Variants in CDK5RAP2 observed in about 807,000 individuals in gnomAD.
CDK5RAP2 encodes the protein CDK5 regulatory subunit-associated protein 2.
Under a neutral mutation model 232.9 loss-of-function variants are expected in CDK5RAP2, and 147 were observed. That is an observed-to-expected ratio of 0.63 (90% CI 0.55 to 0.72). The LOEUF (loss-of-function observed/expected upper bound fraction) is 0.72. CDK5RAP2 is among the 30% of genes least tolerant of loss of function. CDK5RAP2 has a pLI of 0.00. For synonymous variants in CDK5RAP2, 833 were observed against 833.7 expected, an observed-to-expected ratio of 1.00 and a Z score of 0.01; for missense variants, 2,195 against 2,231.5, an observed-to-expected ratio of 0.98 and a Z score of 0.33.
intron 13 of CDK5RAP2, among the ~76,000 whole-genome samples, chr9:120,489,772 G>T (rs2038798934): frequency 6.8e-6 from 1 of 147,908 alleles, no homozygotes; most frequent in African/African-American, 2.5e-5. Flanking sequence ...TTTCCTCTAT[G>T]TACCTCTGTT....
chr9:120,561,256 A>AACTGTT (rs1227127180), intron 3 of CDK5RAP2, among the ~76,000 whole-genome samples: 1 of 152,164 alleles, frequency 6.6e-6, no homozygotes, highest in Non-Finnish European at 1.5e-5. Flanking sequence ...TCATCAAGAA[A>AACTGTT]ACTGTTACTA....
At chr9:120,579,822 G>T in intron 1 of CDK5RAP2, 98 bp downstream of exon 1, 1 of 978,834 alleles carries the variant, frequency 1.0e-6, no homozygotes. Context: ...CCCCTGGCCA[G>T]ACACCCTCAA....
intron 28 of CDK5RAP2, among the ~76,000 whole-genome samples, chr9:120,413,143 C>G (rs1379599086): frequency 2.6e-5 from 4 of 152,206 alleles, no homozygotes; most frequent in African/African-American, 9.7e-5. Context: ...CAGAAGTCTA[C>G]CACAACCAAA....
intron 11 of CDK5RAP2, among the ~76,000 whole-genome samples, chr9:120,521,324 C>T (rs1275857869): frequency 6.6e-6 from 1 of 152,152 alleles, no homozygotes; most frequent in Non-Finnish European, 1.5e-5. Context: ...AAATATCTTG[C>T]CCAAGGTTAC....
intron 12 of CDK5RAP2, among the ~76,000 whole-genome samples, chr9:120,516,172 A>C (rs2040328336): frequency 6.6e-6 from 1 of 152,186 alleles, no homozygotes; most frequent in Admixed American, 6.5e-5. Flanking sequence ...TACACCATGG[A>C]ATACTATGCA....
Position 120,453,680 on chromosome 9 carries a change from G to C in CDK5RAP2, c.2569C>G (p.Leu857Val). The change falls in exon 21 of 38, where the codon CTA becomes GTA. Residue 857 changes from leucine to valine, a missense_variant. Coordinates refer to ENST00000349780, the MANE Select transcript of CDK5RAP2 (RefSeq NM_018249.6). ...DELKLSCEAQ[L>V]VKAGEVPKVG... Reference sequence around the variant, plus strand: ...TTGGGCACTTCGCCTGCCTTTACTAGCTGGGCCTCACAAGACAACTTCAGT... The same window carrying C: ...TTGGGCACTTCGCCTGCCTTTACTACCTGGGCCTCACAAGACAACTTCAGT... 3 of 1,614,216 alleles carry C rather than the reference G, an allele frequency of 1.9e-6. No individual in the cohort carries two copies. The highest frequency in any genetic ancestry group is 2.5e-6 in the Non-Finnish European group (3 of 1,180,034).
At chr9:120,399,475 G>A (rs530718290) in intron 35 of CDK5RAP2, among the ~76,000 whole-genome samples, 1 of 152,348 alleles carries the variant, frequency 6.6e-6, no homozygotes, top group East Asian at 1.9e-4. Flanking sequence ...ATAACTTGTT[G>A]AAAGGCTATG....
rs1478156170 is a variant in CDK5RAP2 at position 120,411,488 on chromosome 9, C to T, written c.4298-14G>A. 5.1e-6 allele frequency: 7 copies of T among 1,382,672 alleles called. No individual in the cohort carries two copies. The East Asian group carries it at 6.8e-5, about 14-fold the overall frequency. 85.7% of individuals were successfully genotyped at this position (1,382,672 alleles called of 1,614,324 possible). ...TGCTTGTAGAACCTATAAAAACACA[C>T]ATAAAAACTGATTTATAAACAGTCT... On this transcript the variant is annotated splice_polypyrimidine_tract_variant and intron_variant, in intron 28 of 37. Transcript: ENST00000349780.
chr9:120,389,064 T>TTC lies in CDK5RAP2; in HGVS notation c.*170_*171dup, dbSNP rs1172435246. 2.6e-5 allele frequency: 17 copies of TTC among 656,928 alleles called. No homozygotes were observed. The highest frequency in any genetic ancestry group is 4.3e-5 in the Non-Finnish European group (16 of 375,654). 40.7% of individuals were successfully genotyped at this position (656,928 alleles called of 1,614,324 possible). A position where few individuals can be genotyped will look rare whatever the true frequency, so the allele number is the denominator to read the frequency against. ...ACCCGTTTGTGGAGCACCTGCACCT[T>TTC]TCTGACAACAACTCTCAAGCCAACT... On this transcript the variant is annotated 3_prime_UTR_variant, in exon 38 of 38. Transcript: ENST00000349780.
At chr9:120,454,477 G>A (rs1463416225) in intron 20 of CDK5RAP2, among the ~76,000 whole-genome samples, 4 of 152,242 alleles carry the variant, frequency 2.6e-5, no homozygotes, top group Admixed American at 6.5e-5. Flanking sequence ...CTGAAAAGAA[G>A]ATAAGTATTC....
chr9:120,492,348 A>G (rs1235284933), intron 12 of CDK5RAP2, among the ~76,000 whole-genome samples: 1 of 152,216 alleles, frequency 6.6e-6, no homozygotes, highest in Non-Finnish European at 1.5e-5. Context: ...GTGTGGCAGC[A>G]GCAGAGACCC....
At chr9:120,531,051 C>T (rs995606369) in intron 7 of CDK5RAP2, among the ~76,000 whole-genome samples, 1 of 152,032 alleles carries the variant, frequency 6.6e-6, no homozygotes, top group Non-Finnish European at 1.5e-5. Context: ...GGTGAAACTC[C>T]TTCCCAGGCA....
chr9:120,430,743 C>G (rs1395523685), intron 25 of CDK5RAP2, among the ~76,000 whole-genome samples: 1 of 151,234 alleles, frequency 6.6e-6, no homozygotes, highest in East Asian at 1.9e-4. Flanking sequence ...ACCATTTGAC[C>G]CAGCCATCCC....
chr9:120,474,454 T>A (rs79352465), intron 15 of CDK5RAP2, among the ~76,000 whole-genome samples: 1 of 152,244 alleles, frequency 6.6e-6, no homozygotes, highest in African/African-American at 2.4e-5. Flanking sequence ...TTGTTAAACA[T>A]CTTACAAAGC....
intron 7 of CDK5RAP2, among the ~76,000 whole-genome samples, chr9:120,532,005 ATT>A (rs35525358): frequency 0.012 from 1,764 of 145,996 alleles, 33 homozygotes; most frequent in African/African-American, 0.041. Flanking sequence ...ATAAAACTGA[ATT>A]TTTTTTTTTT....
chr9:120,478,465 T>G (rs2038134493), intron 14 of CDK5RAP2, among the ~76,000 whole-genome samples: 1 of 152,156 alleles, frequency 6.6e-6, no homozygotes, highest in Non-Finnish European at 1.5e-5. Context: ...ATATACAGCA[T>G]GATGACTATA....
At chr9:120,408,259 A>G (rs1220881568) in intron 31 of CDK5RAP2, 88 bp downstream of exon 31, 2 of 1,511,708 alleles carry the variant, frequency 1.3e-6, no homozygotes, top group Non-Finnish European at 1.8e-6. Flanking sequence ...GAGAGGGCTG[A>G]GCTCTGCCCT....
intron 1 of CDK5RAP2, among the ~76,000 whole-genome samples, chr9:120,576,724 C>A (rs1425409172): frequency 2.6e-5 from 4 of 151,358 alleles, no homozygotes; most frequent in Non-Finnish European, 5.9e-5. Context: ...AAAAAGACCA[C>A]AATGAGATAC....
At chr9:120,483,818 T>A (rs1215222535) in intron 14 of CDK5RAP2, among the ~76,000 whole-genome samples, 1 of 152,214 alleles carries the variant, frequency 6.6e-6, no homozygotes, top group African/African-American at 2.4e-5. Context: ...ACACATGTAA[T>A]GTGCAGACCA....
Sources: gnomAD v4.1 joint callset for allele counts (sites outside exome capture counted in the v4.1 genomes callset) on GRCh38, gnomAD v4.1.1 for gene constraint, MANE v1.5 for transcripts, NCBI Gene and HGNC (gene_info 2026-07-23, HGNC 2026-07-21) for gene names.